FBXW10B: variants seen among roughly 807,000 people sequenced by gnomAD.
FBXW10B encodes F-box and WD repeat domain containing protein 10B.
the FBXW10B span, among the ~76,000 whole-genome samples, chr17:15,601,701 T>C: frequency 6.6e-6 from 1 of 152,232 alleles, no homozygotes; most frequent in Non-Finnish European, 1.5e-5. Context: ...TGAGTGTGTT[T>C]ACCAAACTAA....
chr17:15,619,091 A>G, the FBXW10B span: 1 of 1,613,972 alleles, frequency 6.2e-7, no homozygotes, highest in Non-Finnish European at 8.5e-7. Context: ...GCACATCTGC[A>G]GCAGTAAGAG....
the FBXW10B span, among the ~76,000 whole-genome samples, chr17:15,604,016 C>T: frequency 1.4e-5 from 2 of 145,192 alleles, no homozygotes; most frequent in Non-Finnish European, 3.0e-5. Flanking sequence ...GGAGGCGGAG[C>T]TTGCAGTGAG....
At chr17:15,607,001 G>T in the FBXW10B span, among the ~76,000 whole-genome samples, 1 of 152,110 alleles carries the variant, frequency 6.6e-6, no homozygotes, top group Non-Finnish European at 1.5e-5. Context: ...ATATTGAAAT[G>T]ATGTCAGAGT....
At chr17:15,596,817 G>A in the FBXW10B span, 23 of 510,956 alleles carry the variant, frequency 4.5e-5, no homozygotes, top group Middle Eastern at 1.9e-3. Flanking sequence ...TAGCACCTCC[G>A]AAGAGCAGGC....
At chr17:15,611,725 TG>T in the FBXW10B span, among the ~76,000 whole-genome samples, 711 of 152,256 alleles carry the variant, frequency 4.7e-3, 6 homozygotes, top group Non-Finnish European at 6.6e-3. Context: ...ACTATCCTTT[TG>T]GGGCCAATTA....
the FBXW10B span, among the ~76,000 whole-genome samples, chr17:15,616,832 AAAG>A: frequency 9.8e-3 from 1,363 of 138,600 alleles, 80 homozygotes; most frequent in East Asian, 0.016. Context: ...AAAAAAAAAA[AAAG>A]AAGAAGGTTG....
the FBXW10B span, among the ~76,000 whole-genome samples, chr17:15,577,166 A>T: frequency 0.017 from 2,642 of 152,074 alleles, 83 homozygotes; most frequent in African/African-American, 0.059. Flanking sequence ...AAGTATAGAA[A>T]TTTCTTTTTT....
At chr17:15,617,256 C>G in the FBXW10B span, among the ~76,000 whole-genome samples, 6 of 152,150 alleles carry the variant, frequency 3.9e-5, no homozygotes, top group African/African-American at 1.4e-4. Flanking sequence ...GGCCATCCAG[C>G]TTTAAAATTC....
chr17:15,585,959 T>C, the FBXW10B span, among the ~76,000 whole-genome samples: 1 of 150,588 alleles, frequency 6.6e-6, no homozygotes, highest in African/African-American at 2.4e-5. Flanking sequence ...TTTTTTTTTT[T>C]GAAGAAATGC....
the FBXW10B span, among the ~76,000 whole-genome samples, chr17:15,605,748 C>CT: frequency 6.6e-6 from 1 of 151,962 alleles, no homozygotes; most frequent in East Asian, 1.9e-4. Flanking sequence ...TCACGGAAAC[C>CT]TTTTTTCTTG....
chr17:15,579,181 C>CTG, the FBXW10B span, among the ~76,000 whole-genome samples: 6 of 148,892 alleles, frequency 4.0e-5, no homozygotes, highest in African/African-American at 1.3e-4. Flanking sequence ...AAAAAGGTGT[C>CTG]TGTGTGTGTG....
the FBXW10B span, chr17:15,588,876 C>T: frequency 6.2e-7 from 1 of 1,614,122 alleles, no homozygotes; most frequent in South Asian, 1.1e-5. Flanking sequence ...TGTCCTTTGC[C>T]ACTTGTTGTG....
At chr17:15,585,309 T>G in the FBXW10B span, among the ~76,000 whole-genome samples, 5 of 152,094 alleles carry the variant, frequency 3.3e-5, no homozygotes, top group Non-Finnish European at 7.4e-5. Context: ...TTCAAAAAGA[T>G]TATGGAAAAA....
At chr17:15,590,657 T>A in the FBXW10B span, among the ~76,000 whole-genome samples, 10 of 140,682 alleles carry the variant, frequency 7.1e-5, no homozygotes, top group African/African-American at 2.7e-4. Context: ...TCCCTCTCCC[T>A]CTTAACACAA....
At chr17:15,582,764 T>C in the FBXW10B span, among the ~76,000 whole-genome samples, 7 of 152,184 alleles carry the variant, frequency 4.6e-5, no homozygotes, top group African/African-American at 1.7e-4. Flanking sequence ...GAACTTAAAG[T>C]GCAAACCATG....
the FBXW10B span, among the ~76,000 whole-genome samples, chr17:15,608,194 C>T: frequency 1.4e-5 from 2 of 143,906 alleles, no homozygotes; most frequent in African/African-American, 5.2e-5. Flanking sequence ...CGGAGTCTCG[C>T]TCTGTCACCA....
chr17:15,585,841 G>A, the FBXW10B span, among the ~76,000 whole-genome samples: 10 of 152,184 alleles, frequency 6.6e-5, no homozygotes, highest in African/African-American at 2.4e-4. Context: ...TTCTTTGACT[G>A]GACCACTCCC....
the FBXW10B span, among the ~76,000 whole-genome samples, chr17:15,609,848 C>CT: frequency 7.7e-6 from 1 of 129,972 alleles, no homozygotes; most frequent in African/African-American, 3.2e-5. Context: ...CTCTTTCTTT[C>CT]TTTCTTTTTT....
the FBXW10B span, among the ~76,000 whole-genome samples, chr17:15,600,746 G>T: frequency 2.0e-5 from 3 of 152,108 alleles, no homozygotes; most frequent in Non-Finnish European, 4.4e-5. Flanking sequence ...ATAGGCATTA[G>T]AAAAGAAGAT....
Sources: allele counts gnomAD v4.1 joint callset (sites outside exome capture counted in the v4.1 genomes callset), GRCh38; gene constraint gnomAD v4.1.1; transcripts MANE v1.5; gene names NCBI Gene and HGNC (gene_info 2026-07-23, HGNC 2026-07-21).